HIVEP3: variants seen among roughly 807,000 people sequenced by gnomAD.
HIVEP3 encodes transcription factor HIVEP3.
A neutral mutation model predicts 152.8 loss-of-function variants in HIVEP3; 49 were observed. The observed-to-expected ratio is 0.32, with a 90% confidence interval of 0.26 to 0.41. The LOEUF is 0.41. Among genes scored for constraint, HIVEP3 ranks in the 10% least tolerant of loss-of-function variants. The pLI is 1.00. For missense variants in HIVEP3, 2,790 were observed against 3,103.3 expected (o/e 0.90, Z 2.40); for synonymous variants, 1,269 against 1,289.0 (o/e 0.98, Z 0.33).
intron 3 of HIVEP3, among the ~76,000 whole-genome samples, chr1:41,594,675 A>C (rs565259720): frequency 2.2e-4 from 34 of 152,296 alleles, no homozygotes; most frequent in Admixed American, 5.9e-4. Context: ...TATAGGTTGC[A>C]GATATCTTCT....
chr1:41,736,310 A>T (rs2124197130), intron 1 of HIVEP3, among the ~76,000 whole-genome samples: 1 of 152,296 alleles, frequency 6.6e-6, no homozygotes, highest in South Asian at 2.1e-4. Context: ...GAGCCTTGGC[A>T]GGTGCATTCT....
chr1:41,837,580 C>A (rs1042674977), intron 1 of HIVEP3, among the ~76,000 whole-genome samples: 2 of 152,200 alleles, frequency 1.3e-5, no homozygotes, highest in East Asian at 3.9e-4. Context: ...CTTGCCTTGG[C>A]CTCCCAAAGT....
intron 1 of HIVEP3, among the ~76,000 whole-genome samples, chr1:41,715,405 C>A (rs4660556): frequency 4.1e-4 from 63 of 152,214 alleles, no homozygotes; most frequent in African/African-American, 9.2e-4. Context: ...TGGGCCCAGG[C>A]GACCTGAAGG....
At chr1:41,797,716 C>T (rs143684847) in intron 1 of HIVEP3, among the ~76,000 whole-genome samples, 411 of 152,268 alleles carry the variant, frequency 2.7e-3, no homozygotes, top group African/African-American at 9.5e-3. Flanking sequence ...AGGTCAGGCA[C>T]GGTGGCTCAT....
At chr1:41,570,367 A>T (rs925219239) in intron 5 of HIVEP3, among the ~76,000 whole-genome samples, 2 of 152,192 alleles carry the variant, frequency 1.3e-5, no homozygotes, top group African/African-American at 4.8e-5. Flanking sequence ...GAATTGAATC[A>T]TGGGGGCAGT....
intron 1 of HIVEP3, among the ~76,000 whole-genome samples, chr1:41,887,264 T>A (rs1644362479): frequency 6.6e-6 from 1 of 152,284 alleles, no homozygotes; most frequent in Middle Eastern, 3.4e-3. Flanking sequence ...TTTTCTGGAT[T>A]TTATAAAGTT....
chr1:41,987,037 A>G (rs1199345351), intron 1 of HIVEP3, among the ~76,000 whole-genome samples: 1 of 152,228 alleles, frequency 6.6e-6, no homozygotes, highest in Non-Finnish European at 1.5e-5. Context: ...AGTATCTGAG[A>G]TAATACACAT....
At chr1:41,566,466 G>A (rs1313689233) in intron 5 of HIVEP3, among the ~76,000 whole-genome samples, 1 of 152,192 alleles carries the variant, frequency 6.6e-6, no homozygotes, top group African/African-American at 2.4e-5. Context: ...ATTCCTTGCA[G>A]CAAACACACA....
chr1:41,567,373 G>A (rs887137157), intron 5 of HIVEP3, among the ~76,000 whole-genome samples: 3 of 152,168 alleles, frequency 2.0e-5, no homozygotes, highest in African/African-American at 7.2e-5. Flanking sequence ...CCCAAAGTCT[G>A]GGTTATATTC....
At chr1:41,697,513 C>A (rs1646294310) in intron 2 of HIVEP3, among the ~76,000 whole-genome samples, 1 of 152,144 alleles carries the variant, frequency 6.6e-6, no homozygotes, top group African/African-American at 2.4e-5. Context: ...GGATGGGTAA[C>A]AAATCATGAT....
Position 41,525,678 on chromosome 1 carries a change from T to G in HIVEP3, c.5208-768A>C, listed in dbSNP as rs577428407. ...ACCTGCCACATCGCTTGGGGTTCTATCTGGAAGTGCCACCAGCTTTCAGAA... is the reference window on the plus strand; with the variant it reads ...ACCTGCCACATCGCTTGGGGTTCTAGCTGGAAGTGCCACCAGCTTTCAGAA... On this transcript the variant is annotated intron_variant, in intron 5 of 8. Transcript: ENST00000372583. Among the ~76,000 whole-genome samples, 38 of 152,302 alleles carry G rather than the reference T, an allele frequency of 2.5e-4. No individual in the cohort carries two copies. The South Asian group carries it at 7.9e-3, about 32-fold the overall frequency.
chr1:41,629,648 C>A lies in HIVEP3; in HGVS notation c.-720-701G>T, dbSNP rs113144224. Among the ~76,000 whole-genome samples the A allele has an allele frequency of 1.8e-4, 28 of 152,236 alleles. 1 individual carries two copies. Among genetic ancestry groups the A allele is most frequent in the African/African-American group, 6.7e-4 (28 of 41,538 alleles). ...TAGACACTTCTCAAAACAAGACATA[C>A]AAGTGGCCACCAAACATGAAAAAAA... On this transcript the variant is annotated intron_variant, in intron 2 of 8. Coordinates refer to ENST00000372583, the MANE Select transcript of HIVEP3 (RefSeq NM_024503.5).
intron 1 of HIVEP3, among the ~76,000 whole-genome samples, chr1:41,746,899 C>T (rs1204446784): frequency 6.6e-6 from 1 of 152,116 alleles, no homozygotes; most frequent in East Asian, 1.9e-4. Context: ...TGCCCTGGTT[C>T]CCTCGCAGGT....
chr1:41,849,279 T>C (rs1344171317), intron 1 of HIVEP3, among the ~76,000 whole-genome samples: 1 of 152,202 alleles, frequency 6.6e-6, no homozygotes, highest in Non-Finnish European at 1.5e-5. Flanking sequence ...TCACCACTGA[T>C]CTTCACGACA....
In HIVEP3 at chr1:41,510,801, A is replaced by G. The variant is rs1644441879; in HGVS notation, c.6871T>C (p.Trp2291Arg). The G allele has an allele frequency of 1.2e-6, 2 of 1,611,562 alleles. No individual in the cohort carries two copies. Among genetic ancestry groups the G allele is most frequent in the Non-Finnish European group, 1.7e-6 (2 of 1,179,366 alleles). Residue 2291 changes from tryptophan (W) to arginine (R), a missense_variant, in exon 9 of 9, where the codon TGG becomes CGG. By Grantham distance (101) the Trp-to-Arg change is moderately radical. This residue lies in a region of HIVEP3 where 816 missense variants were observed against 806.5 expected (regional missense o/e 1.01). Transcript: ENST00000372583. ...GGTGCCCCGGTCCCATGGGGTGTCC[A>G]GTCAGGAGGCCTGCCCGGGCCTCCG... ...TGGGPGRPPD[W>R]TPHGTGAPAE...
At chr1:41,536,450 G>A (rs1445251714) in intron 5 of HIVEP3, among the ~76,000 whole-genome samples, 1 of 152,134 alleles carries the variant, frequency 6.6e-6, no homozygotes, top group Non-Finnish European at 1.5e-5. Flanking sequence ...TAGCATATTT[G>A]TTCCAGTAAA....
intron 1 of HIVEP3, among the ~76,000 whole-genome samples, chr1:41,948,441 G>A (rs956632117): frequency 1.7e-4 from 26 of 152,168 alleles, no homozygotes; most frequent in African/African-American, 6.0e-4. Flanking sequence ...ATTGTCAGCT[G>A]TACAGAAACC....
At chr1:41,838,417 T>C (rs905247257) in intron 1 of HIVEP3, among the ~76,000 whole-genome samples, 1 of 152,118 alleles carries the variant, frequency 6.6e-6, no homozygotes, top group Non-Finnish European at 1.5e-5. Context: ...TCTTCACTCC[T>C]TGCCTTCTTT....
chr1:41,577,289 T>C (rs776688807), intron 4 of HIVEP3, among the ~76,000 whole-genome samples: 20 of 152,252 alleles, frequency 1.3e-4, no homozygotes, highest in Non-Finnish European at 2.5e-4. Flanking sequence ...ATGTCTTAAC[T>C]CATTTAATTA....
Sources: allele counts gnomAD v4.1 joint callset (sites outside exome capture counted in the v4.1 genomes callset), GRCh38; gene constraint gnomAD v4.1.1; regional missense constraint gnomAD v4.1.1; transcripts MANE v1.5; gene names NCBI Gene and HGNC (gene_info 2026-07-23, HGNC 2026-07-21).